The following BANP variants were observed in gnomAD, a reference collection of about 807,000 sequenced individuals.
BANP encodes the protein protein BANP.
A neutral mutation model predicts 68.1 loss-of-function variants in BANP; 11 were observed. The ratio of observed to expected loss-of-function variants is 0.16; its 90% CI spans 0.10 to 0.27. The LOEUF (loss-of-function observed/expected upper bound fraction) is 0.27. Ranked by LOEUF, BANP falls within the 10% of genes least tolerant of loss-of-function variation. BANP has a pLI of 1.00. For missense variants in BANP, 504 were observed against 722.7 expected (o/e 0.70, Z 3.47); for synonymous variants, 329 against 303.2 (o/e 1.09, Z -0.88).
chr16:88,046,781 T>C (rs1400384070), intron 11 of BANP, among the ~76,000 whole-genome samples: 1 of 151,994 alleles, frequency 6.6e-6, no homozygotes, highest in African/African-American at 2.4e-5. Flanking sequence ...ATCCATATCA[T>C]GTTGGCCGGG....
intron 1 of BANP, among the ~76,000 whole-genome samples, chr16:87,951,781 C>T (rs962793958): frequency 6.6e-6 from 1 of 151,840 alleles, no homozygotes; most frequent in Admixed American, 6.6e-5. Flanking sequence ...CCGCGGCTGC[C>T]GCAGCCCGGC....
intron 2 of BANP, chr16:87,978,829 G>T: frequency 3.0e-6 from 1 of 332,750 alleles, no homozygotes; most frequent in Non-Finnish European, 6.0e-6. Context: ...GAGACCAGCT[G>T]CCCCCATCAC....
chr16:87,982,257 C>G (rs1298373707), intron 3 of BANP, among the ~76,000 whole-genome samples: 4 of 152,230 alleles, frequency 2.6e-5, no homozygotes, highest in Non-Finnish European at 5.9e-5. Flanking sequence ...CCTTGTCCCA[C>G]TGTTGAGAAG....
chr16:87,954,437 A>G (rs1052927947), intron 1 of BANP, among the ~76,000 whole-genome samples: 1 of 152,128 alleles, frequency 6.6e-6, no homozygotes, highest in Non-Finnish European at 1.5e-5. Flanking sequence ...CTCCATACTG[A>G]TGTTTACTGT....
At chr16:88,019,578 T>TGTGGGGG (rs1257329356) in intron 7 of BANP, among the ~76,000 whole-genome samples, 2,355 of 10,300 alleles carry the variant, frequency 0.23, 492 homozygotes, top group Non-Finnish European at 0.39. Flanking sequence ...GGGCGGGGCG[T>TGTGGGGG]CCGGGATCTC....
intron 12 of BANP, among the ~76,000 whole-genome samples, chr16:88,069,899 CTCTG>C (rs1373180841): frequency 6.6e-6 from 1 of 152,142 alleles, no homozygotes; most frequent in African/African-American, 2.4e-5. Context: ...CTTCCACCTC[CTCTG>C]TCTCTTCTGC....
At chr16:88,055,283 C>T (rs1198073272) in intron 11 of BANP, among the ~76,000 whole-genome samples, 1 of 152,060 alleles carries the variant, frequency 6.6e-6, no homozygotes, top group African/African-American at 2.4e-5. Context: ...CCCACCCACC[C>T]CCTCCGCACA....
At chr16:88,014,947 C>T (rs1192030155) in intron 6 of BANP, among the ~76,000 whole-genome samples, 1 of 152,088 alleles carries the variant, frequency 6.6e-6, no homozygotes, top group Non-Finnish European at 1.5e-5. Flanking sequence ...TGACACCAGG[C>T]CCTCAGCTAT....
At chr16:87,994,253 TC>T (rs1335255869) in intron 4 of BANP, among the ~76,000 whole-genome samples, 1 of 152,234 alleles carries the variant, frequency 6.6e-6, no homozygotes, top group African/African-American at 2.4e-5. Context: ...CTTCCCTCTC[TC>T]ACTAGTAGTC....
intron 6 of BANP, among the ~76,000 whole-genome samples, chr16:88,009,122 G>A (rs73247057): frequency 2.6e-5 from 4 of 152,312 alleles, no homozygotes; most frequent in South Asian, 2.1e-4. Context: ...ATCTCAGCCC[G>A]TAGTGGCGTC....
At chr16:87,997,957 C>T (rs927171419) in intron 4 of BANP, among the ~76,000 whole-genome samples, 1 of 152,200 alleles carries the variant, frequency 6.6e-6, no homozygotes, top group East Asian at 1.9e-4. Context: ...AGAACTGACC[C>T]CGCACAGTGG....
intron 11 of BANP, among the ~76,000 whole-genome samples, chr16:88,049,734 G>A (rs115082283): frequency 1.0e-3 from 157 of 152,252 alleles, no homozygotes; most frequent in African/African-American, 3.5e-3. Flanking sequence ...GTGGAGTCAC[G>A]GGGGAGATGG....
intron 1 of BANP, among the ~76,000 whole-genome samples, chr16:87,969,121 G>A (rs571491879): frequency 9.2e-5 from 14 of 152,292 alleles, no homozygotes; most frequent in Non-Finnish European, 1.6e-4. Context: ...CTTGGGAGCC[G>A]CTTTTCGGGG....
chr16:87,987,465 T>C (rs2064732392), intron 4 of BANP, among the ~76,000 whole-genome samples: 1 of 151,980 alleles, frequency 6.6e-6, no homozygotes, highest in African/African-American at 2.4e-5. Flanking sequence ...GGCTCACACC[T>C]ATAATTCCAG....
At chr16:87,985,199 G>A (rs559624366) in intron 4 of BANP, among the ~76,000 whole-genome samples, 3 of 152,316 alleles carry the variant, frequency 2.0e-5, no homozygotes, top group South Asian at 4.1e-4. Flanking sequence ...TCCACATGAC[G>A]GCTGCTGTGC....
chr16:88,001,881 AT>A (rs2069466404), intron 4 of BANP, among the ~76,000 whole-genome samples: 1 of 151,332 alleles, frequency 6.6e-6, no homozygotes, highest in Admixed American at 6.6e-5. Flanking sequence ...AGCTGAAAAA[AT>A]TTATGTTCCT....
At chr16:88,038,350 C>T (rs972836143) in intron 11 of BANP, among the ~76,000 whole-genome samples, 1 of 152,108 alleles carries the variant, frequency 6.6e-6, no homozygotes, top group African/African-American at 2.4e-5. Flanking sequence ...GCAGGACTGG[C>T]TTTCCTCACC....
chr16:87,995,382 T>G (rs1271454348), intron 4 of BANP, among the ~76,000 whole-genome samples: 2 of 152,240 alleles, frequency 1.3e-5, no homozygotes, highest in Non-Finnish European at 2.9e-5. Context: ...TTGTGTGTTA[T>G]GTAGGAGCAT....
rs564104275 is a variant in BANP at position 88,027,988 on chromosome 16, C to T, written c.1063+338C>T. On this transcript the variant is annotated intron_variant, in intron 8 of 13. Transcript: ENST00000682872. ...ATTCTCACGATTTGCCGGGTGACTC[C>T]GGGTGAAGAAGTGGGGTGGATTCTG... 1.3e-4 allele frequency among the ~76,000 whole-genome samples: 20 copies of T among 152,324 alleles called. No homozygotes were observed. The East Asian group carries it at 3.7e-3, about 28-fold the overall frequency.
Sources: gnomAD v4.1 joint callset for allele counts (sites outside exome capture counted in the v4.1 genomes callset) on GRCh38, gnomAD v4.1.1 for gene constraint, MANE v1.5 for transcripts, NCBI Gene and HGNC (gene_info 2026-07-23, HGNC 2026-07-21) for gene names.